The following KLHL1 variants were observed in gnomAD, a reference collection of about 807,000 sequenced individuals.
KLHL1 encodes the protein kelch-like protein 1.
Under a neutral mutation model 77.7 loss-of-function variants are expected in KLHL1, and 47 were observed. That is an observed-to-expected ratio of 0.60 (90% CI 0.48 to 0.77). KLHL1 has a LOEUF of 0.77. KLHL1 is among the 30% of genes least tolerant of loss of function. The pLI is 0.00. For missense variants in KLHL1, 925 were observed against 910.8 expected (o/e 1.02, Z -0.20); for synonymous variants, 360 against 325.2 (o/e 1.11, Z -1.15).
chr13:69,829,624 G>C (rs1593868039), intron 6 of KLHL1, among the ~76,000 whole-genome samples: 1 of 149,970 alleles, frequency 6.7e-6, no homozygotes, highest in Admixed American at 6.7e-5. Flanking sequence ...AATTCAGAAG[G>C]TTGGTTATTA....
intron 5 of KLHL1, among the ~76,000 whole-genome samples, chr13:69,842,918 AG>A (rs1289271696): frequency 5.4e-4 from 82 of 151,978 alleles, no homozygotes; most frequent in African/African-American, 1.9e-3. Context: ...CATTATCTTA[AG>A]TGAAATAAGC....
chr13:69,986,517 A>G (rs1884876323), intron 1 of KLHL1, among the ~76,000 whole-genome samples: 1 of 152,050 alleles, frequency 6.6e-6, no homozygotes, highest in Non-Finnish European at 1.5e-5. Context: ...CTAACTCTAT[A>G]GTTGATATTA....
At chr13:69,781,435 A>G (rs1233696715) in intron 7 of KLHL1, among the ~76,000 whole-genome samples, 1 of 152,048 alleles carries the variant, frequency 6.6e-6, no homozygotes, top group Admixed American at 6.6e-5. Flanking sequence ...GGAAGTAAGT[A>G]AGTTGAAAAC....
rs191171827 is a variant in KLHL1, at chr13:69,916,668, C to T, written c.1014+23372G>A. Among the ~76,000 whole-genome samples, 296 of 151,744 alleles carry T rather than the reference C, an allele frequency of 2.0e-3. 2 individuals carry two copies. The highest frequency in any genetic ancestry group is 0.014 in the Middle Eastern group (4 of 288). Reference sequence around the variant, plus strand: ...TGATGAGTTAGTCGGTGCAGCACACCAGCATGGTACATGTATACGTATGTA... The same window carrying T: ...TGATGAGTTAGTCGGTGCAGCACACTAGCATGGTACATGTATACGTATGTA... On this transcript the variant is annotated intron_variant, in intron 4 of 10. Coordinates refer to ENST00000377844, the MANE Select transcript of KLHL1 (RefSeq NM_020866.3).
At chr13:69,981,905 T>C (rs1341092307) in intron 1 of KLHL1, among the ~76,000 whole-genome samples, 3 of 151,496 alleles carry the variant, frequency 2.0e-5, no homozygotes, top group African/African-American at 7.3e-5. Context: ...ATCTTTAAAA[T>C]AAAAAGATTA....
At chr13:69,717,375 ATAAAAAGT>A in intron 9 of KLHL1, among the ~76,000 whole-genome samples, 1 of 152,278 alleles carries the variant, frequency 6.6e-6, no homozygotes, top group Admixed American at 6.5e-5. Flanking sequence ...AAAATATGTT[ATAAAAAGT>A]GCAAAAGTGC....
intron 2 of KLHL1, among the ~76,000 whole-genome samples, chr13:69,972,405 G>T (rs562019999): frequency 6.6e-6 from 1 of 151,914 alleles, no homozygotes; most frequent in Non-Finnish European, 1.5e-5. Flanking sequence ...AAGTGTTTTA[G>T]TCTGTAGAAT....
intron 1 of KLHL1, among the ~76,000 whole-genome samples, chr13:69,997,381 G>T (rs1211211165): frequency 7.0e-6 from 1 of 143,538 alleles, no homozygotes; most frequent in East Asian, 2.0e-4. Flanking sequence ...GTAACTATAG[G>T]TACGACGTTG....
chr13:69,996,781 T>G (rs1885162702), intron 1 of KLHL1, among the ~76,000 whole-genome samples: 1 of 152,076 alleles, frequency 6.6e-6, no homozygotes, highest in South Asian at 2.1e-4. Context: ...GCTAGATGTC[T>G]TCATTGTCAG....
chr13:70,032,383 T>C (rs1241880261), intron 1 of KLHL1, among the ~76,000 whole-genome samples: 1 of 152,166 alleles, frequency 6.6e-6, no homozygotes, highest in Non-Finnish European at 1.5e-5. Flanking sequence ...ATTTTGACAA[T>C]ATTCTATTAG....
chr13:69,943,874 A>C (rs1247199166), intron 3 of KLHL1, among the ~76,000 whole-genome samples: 1 of 152,200 alleles, frequency 6.6e-6, no homozygotes, highest in African/African-American at 2.4e-5. Context: ...TCTTGAGAGA[A>C]AATCAGACGG....
At position 69,726,270 on chromosome 13, in the gene KLHL1, T is replaced by G. The variant is rs560687676; in HGVS notation, c.1803-6689A>C. Among the ~76,000 whole-genome samples the G allele has an allele frequency of 2.8e-4, 43 of 152,264 alleles. 1 individual carries two copies. The highest frequency in any genetic ancestry group is 4.7e-4 in the Non-Finnish European group (32 of 68,020). On this transcript the variant is annotated intron_variant, in intron 8 of 10. Coordinates refer to ENST00000377844, the MANE Select transcript of KLHL1 (RefSeq NM_020866.3). ...CCTTTCTGTTGCACAATAAAAGGAT[T>G]AGAATCCCTCAACTCCAGTGCCTTT...
rs1237396195 is a variant in KLHL1 at position 69,873,556 on chromosome 13, G to C, written c.1227+8727C>G. On this transcript the variant is annotated intron_variant, in intron 5 of 10. Coordinates refer to ENST00000377844, the MANE Select transcript of KLHL1 (RefSeq NM_020866.3). ...ATGCTCTAATAACTCTTTACAGCAG[G>C]GTTCTTAGCACCCACTGTTAGCTCC... Among the ~76,000 whole-genome samples, 3 of 152,018 alleles carry C rather than the reference G, an allele frequency of 2.0e-5. No homozygotes were observed. In the East Asian group the frequency reaches 5.8e-4, roughly 29 times the overall value.
chr13:69,990,327 C>T (rs1884994317), intron 1 of KLHL1, among the ~76,000 whole-genome samples: 1 of 151,876 alleles, frequency 6.6e-6, no homozygotes, highest in Admixed American at 6.6e-5. Context: ...TCAATACTAC[C>T]CCTGAATGTA....
chr13:69,861,484 T>C (rs1244201598), intron 5 of KLHL1, among the ~76,000 whole-genome samples: 2 of 152,072 alleles, frequency 1.3e-5, no homozygotes, highest in African/African-American at 2.4e-5. Context: ...TTGATGTTTA[T>C]CAGCTTTTAA....
chr13:69,957,456 TG>T (rs1321496627), intron 3 of KLHL1, among the ~76,000 whole-genome samples: 3 of 151,736 alleles, frequency 2.0e-5, no homozygotes, highest in African/African-American at 7.2e-5. Flanking sequence ...GGCATGAAAG[TG>T]ATATGCATTC....
At chr13:69,711,960 T>G (rs1875896849) in intron 9 of KLHL1, among the ~76,000 whole-genome samples, 1 of 152,168 alleles carries the variant, frequency 6.6e-6, no homozygotes, top group African/African-American at 2.4e-5. Context: ...TGCATTTCCC[T>G]GACGACTAAT....
intron 5 of KLHL1, among the ~76,000 whole-genome samples, chr13:69,855,857 A>G (rs1191952333): frequency 2.2e-4 from 28 of 124,508 alleles, no homozygotes; most frequent in Admixed American, 4.8e-4. Context: ...TATATGTTAT[A>G]TAATATATTA....
chr13:69,940,792 C>CAAAAAA, intron 3 of KLHL1, among the ~76,000 whole-genome samples: 1 of 67,714 alleles, frequency 1.5e-5, no homozygotes, highest in Non-Finnish European at 2.9e-5. Flanking sequence ...ATCTTAAAGG[C>CAAAAAA]AAAAAAAAAA....
Sources: allele counts gnomAD v4.1 joint callset (sites outside exome capture counted in the v4.1 genomes callset), GRCh38; gene constraint gnomAD v4.1.1; transcripts MANE v1.5; gene names NCBI Gene and HGNC (gene_info 2026-07-23, HGNC 2026-07-21).